The following MEST variants were observed in gnomAD, a reference collection of about 807,000 sequenced individuals.
The protein encoded by MEST is mesoderm specific transcript.
A neutral mutation model predicts 50.9 loss-of-function variants in MEST; 18 were observed. The ratio of observed to expected loss-of-function variants is 0.35; its 90% CI spans 0.24 to 0.52. MEST has a LOEUF of 0.52. Ranked by LOEUF, MEST falls within the 20% of genes least tolerant of loss-of-function variation. MEST has a pLI of 0.94. For synonymous variants in MEST, 130 were observed against 154.1 expected, an observed-to-expected ratio of 0.84 and a Z score of 1.16; for missense variants, 282 against 425.3, an observed-to-expected ratio of 0.66 and a Z score of 2.96.
At chr7:130,489,979 G>A (rs1311585485), upstream of MEST, 2 of 152,212 alleles carry the variant, frequency 1.3e-5, no homozygotes, top group Admixed American at 6.5e-5. Context: ...TGGTGAGAAT[G>A]AAAGTGTGGA....
In MEST at chr7:130,504,928, T is replaced by C. The variant is rs782786548; in HGVS notation, c.891-11T>C. ...CCTCAAGTTCACCTGCGTGCTGTTC[T>C]CTTCCACTAGGAAAACGCTGCCGCG... On this transcript the variant is annotated splice_polypyrimidine_tract_variant and intron_variant, in intron 11 of 11. Transcript: ENST00000223215. 11 of 1,610,662 alleles carry C rather than the reference T, an allele frequency of 6.8e-6. No homozygotes were observed. The highest frequency in any genetic ancestry group is 4.5e-5 in the East Asian group (2 of 44,888).
At chr7:130,495,037 C>T (rs1798989220) in intron 1 of MEST, among the ~76,000 whole-genome samples, 1 of 151,740 alleles carries the variant, frequency 6.6e-6, no homozygotes, top group Non-Finnish European at 1.5e-5. Context: ...AAGTCATGTC[C>T]CTTTTATTTA....
At chr7:130,494,502 T>C (rs1554436310) in intron 1 of MEST, 1 of 152,054 alleles carries the variant, frequency 6.6e-6, no homozygotes, top group Non-Finnish European at 1.5e-5. Context: ...GGGTTGGGTG[T>C]ACCAACCAGT....
At chr7:130,489,556 G>GATA (rs1284013070), upstream of MEST, 1 of 152,220 alleles carries the variant, frequency 6.6e-6, no homozygotes, top group Non-Finnish European at 1.5e-5. Flanking sequence ...TTCTCTCTTA[G>GATA]ACTTCCCACA....
upstream of MEST, chr7:130,488,298 T>C (rs1466461343): frequency 2.0e-5 from 3 of 152,218 alleles, no homozygotes; most frequent in African/African-American, 7.2e-5. Context: ...AGACAGCCCC[T>C]ATGTTGGAAA....
At position 130,492,398 on chromosome 7, in the gene MEST, C is replaced by T. The variant is rs575843091; in HGVS notation, c.26+59C>T. Reference sequence around the variant, plus strand: ...GGCGGCCCTGGGACTAGGGCGCAGGCGAGCGGAGGACTGTGTGCCCGTGTC... The same window carrying T: ...GGCGGCCCTGGGACTAGGGCGCAGGTGAGCGGAGGACTGTGTGCCCGTGTC... On this transcript the variant is annotated intron_variant, in intron 1 of 11. Transcript: ENST00000223215. This position sits in a 1 kb window ranked among gnomAD's most constrained non-coding sequence, Gnocchi z 7.6. 166 of 1,230,560 alleles carry T rather than the reference C, an allele frequency of 1.3e-4. 3 individuals are homozygous for T. In the East Asian group the frequency reaches 4.8e-3, roughly 36 times the overall value. 76.2% of individuals were successfully genotyped at this position (1,230,560 alleles called of 1,614,324 possible). A position where few individuals can be genotyped will look rare whatever the true frequency, so the allele number is the denominator to read the frequency against.
Position 130,492,478 on chromosome 7 carries a change from C to A in MEST, c.26+139C>A. On this transcript the variant is annotated intron_variant, in intron 1 of 11. Coordinates refer to ENST00000223215, the MANE Select transcript of MEST (RefSeq NM_002402.4). The surrounding 1 kb of genome is among the most constrained non-coding windows in gnomAD (Gnocchi z 7.6). ...CTACCGACAGGCGGCACGCATTCCG[C>A]GCCCGCTCTGCCTACTTGAGGAGGG... 1.5e-6 allele frequency: 1 copy of A among 658,662 alleles called. No individual in the cohort carries two copies. The highest frequency in any genetic ancestry group is 2.2e-6 in the Non-Finnish European group (1 of 464,092). 40.8% of individuals were successfully genotyped at this position (658,662 alleles called of 1,614,324 possible). A position where few individuals can be genotyped will look rare whatever the true frequency, so the allele number is the denominator to read the frequency against.
At chr7:130,502,597 C>G (rs377655495) in intron 9 of MEST, 47 bp from the exon 10 acceptor site, 156 of 1,426,274 alleles carry the variant, frequency 1.1e-4, no homozygotes, top group Non-Finnish European at 1.4e-4. Context: ...ATCCCTGTAA[C>G]AGTAAAGGTT....
rs1184009818 is a variant in MEST at position 130,492,227 on chromosome 7, C to A, written c.-87C>A. The stretch of plus-strand genomic sequence containing the variant: ...GGCTGTGGGCTGCGGGCTGCGCCCC[C>A]GCTGCTGGCCAGCTCTGCACGGCTG... On this transcript the variant is annotated 5_prime_UTR_variant, in exon 1 of 12. Transcript: ENST00000223215. This position sits in a 1 kb window ranked among gnomAD's most constrained non-coding sequence, Gnocchi z 7.6. 3.4e-6 allele frequency: 4 copies of A among 1,161,102 alleles called. No homozygotes were observed. The highest frequency in any genetic ancestry group is 3.9e-5 in the South Asian group (1 of 25,450). The allele number at this position is 1,161,102 out of a possible 1,614,324, so 71.9% of individuals were successfully genotyped here. A position where few individuals can be genotyped will look rare whatever the true frequency, so the allele number is the denominator to read the frequency against.
In MEST at chr7:130,504,925, T is replaced by C; in HGVS notation, c.891-14T>C. 1 of 1,609,376 alleles carries C rather than the reference T, an allele frequency of 6.2e-7. No individual in the cohort carries two copies. Among genetic ancestry groups the C allele is most frequent in the Non-Finnish European group, 8.5e-7 (1 of 1,175,750 alleles). On this transcript the variant is annotated splice_polypyrimidine_tract_variant and intron_variant, in intron 11 of 11. Coordinates refer to ENST00000223215, the MANE Select transcript of MEST (RefSeq NM_002402.4). ...CAGCCTCAAGTTCACCTGCGTGCTG[T>C]TCTCTTCCACTAGGAAAACGCTGCC...
chr7:130,500,501 C>T lies in MEST; in HGVS notation c.616C>T (p.Arg206Ter). Residue 206 changes from arginine (R) to a stop codon, truncating the protein, a stop_gained, in exon 8 of 12, where the codon CGA (arginine) becomes TGA (stop). Coordinates refer to ENST00000223215, the MANE Select transcript of MEST (RefSeq NM_002402.4). LOFTEE classifies it high-confidence loss of function. The surrounding 1 kb of genome is among the most constrained non-coding windows in gnomAD (Gnocchi z 5.0). ...AGGTGTGCTGTCACCCATCCTCACA[C>T]GACTGATGAACTTCTTTGTATTCTC... is the stretch of plus-strand genomic sequence containing the variant. The part of the protein sequence containing the change: ...DGGVLSPILT[R>*]LMNFFVFSRG... The T allele has an allele frequency of 1.2e-6, 2 of 1,613,826 alleles. No individual in the cohort carries two copies. Among genetic ancestry groups the T allele is most frequent in the Non-Finnish European group, 1.7e-6 (2 of 1,179,882 alleles).
In MEST at chr7:130,505,236, T is replaced by C. The variant is rs1418719057; in HGVS notation, c.*180T>C. The stretch of plus-strand genomic sequence containing the variant: ...AAGCCAGCAGGAGCTCTGACTAAGG[T>C]TGACATAATAGTCCACCTCCCATTA... On this transcript the variant is annotated 3_prime_UTR_variant, in exon 12 of 12. Transcript: ENST00000223215. The C allele has an allele frequency of 2.8e-5, 16 of 569,486 alleles. No homozygotes were observed. The highest frequency in any genetic ancestry group is 1.9e-4 in the East Asian group (7 of 37,658). 35.3% of individuals were successfully genotyped at this position (569,486 alleles called of 1,614,324 possible).
At chr7:130,499,838 G>T (rs782034894) in intron 6 of MEST, 37 bp from the exon 7 acceptor site, 2 of 1,556,702 alleles carry the variant, frequency 1.3e-6, no homozygotes, top group South Asian at 2.4e-5. Flanking sequence ...AAAAATTAAA[G>T]CTGTAGGTAA....
upstream of MEST, chr7:130,488,653 AG>A (rs1798693799): frequency 6.6e-6 from 1 of 152,266 alleles, no homozygotes; most frequent in African/African-American, 2.4e-5. Context: ...TGTGAGGATC[AG>A]GGATATGTTG....
rs1216185473 is a variant in MEST, at chr7:130,505,185, C to G, written c.*129C>G. On this transcript the variant is annotated 3_prime_UTR_variant, in exon 12 of 12. Transcript: ENST00000223215. Reference sequence around the variant, plus strand: ...ATTCTCTCACAAAGTCCACTTTACTCAAATTGGTGAACAGTGTATAGGAAG... The same window carrying G: ...ATTCTCTCACAAAGTCCACTTTACTGAAATTGGTGAACAGTGTATAGGAAG... The G allele has an allele frequency of 2.7e-6, 2 of 738,826 alleles. No homozygotes were observed. The highest frequency in any genetic ancestry group is 3.5e-5 in the African/African-American group (2 of 57,464). 45.8% of individuals were successfully genotyped at this position (738,826 alleles called of 1,614,324 possible).
chr7:130,500,337 C>T lies in MEST; in HGVS notation c.577-125C>T. 1.3e-6 allele frequency: 1 copy of T among 764,050 alleles called. No individual in the cohort carries two copies. The highest frequency in any genetic ancestry group is 2.1e-6 in the Non-Finnish European group (1 of 479,518). The allele number at this position is 764,050 out of a possible 1,614,324, so 47.3% of individuals were successfully genotyped here. A position where few individuals can be genotyped will look rare whatever the true frequency, so the allele number is the denominator to read the frequency against. ...AATGCGGGTAGGCAAAACAAAATGC[C>T]AAGTACCAAACCATTCAGTAGCAGG... On this transcript the variant is annotated intron_variant, in intron 7 of 11. Coordinates refer to ENST00000223215, the MANE Select transcript of MEST (RefSeq NM_002402.4). The surrounding 1 kb of genome is among the most constrained non-coding windows in gnomAD (Gnocchi z 5.0).
chr7:130,498,491 C>T lies in MEST; in HGVS notation c.535+14C>T, dbSNP rs375635223. 8.7e-6 allele frequency: 14 copies of T among 1,613,210 alleles called. No individual in the cohort carries two copies. The highest frequency in any genetic ancestry group is 1.7e-5 in the Admixed American group (1 of 59,972). On this transcript the variant is annotated intron_variant, in intron 6 of 11. Transcript: ENST00000223215. ...TGTCAAATGGAGGTAATTGCCTTGG[C>T]GGTAGGTAGAAAGTGGGTGTAATCT...
In MEST at chr7:130,500,954, G is replaced by T. The variant is rs1799254505; in HGVS notation, c.749+64G>T. 1.4e-6 allele frequency: 2 copies of T among 1,406,060 alleles called. No homozygotes were observed. The allele number at this position is 1,406,060 out of a possible 1,614,324, so 87.1% of individuals were successfully genotyped here. A position where few individuals can be genotyped will look rare whatever the true frequency, so the allele number is the denominator to read the frequency against. On this transcript the variant is annotated intron_variant, in intron 9 of 11. Transcript: ENST00000223215. This position sits in a 1 kb window ranked among gnomAD's most constrained non-coding sequence, Gnocchi z 5.0. ...TTTTTGTGGAGAGTGGGGATTGCTT[G>T]TTCTGTTCCTTGCTGGCTTATTCCC...
At position 130,497,175 on chromosome 7, in the gene MEST, A is replaced by G. The variant is rs1554437237; in HGVS notation, c.201A>G (p.Gly67=). 6.2e-7 allele frequency: 1 copy of G among 1,612,942 alleles called. No homozygotes were observed. Among genetic ancestry groups the G allele is most frequent in the Admixed American group, 1.7e-5 (1 of 59,814 alleles). ...IFYQDSVGVV[G]SPEIVVLLHG... is the part of the protein sequence containing the mutation. ...TCCTAGACTCTGTGGGTGTGGTTGGAAGTCCAGAGATAGTTGTGCTTTTAC... is the reference window on the plus strand; with the variant it reads ...TCCTAGACTCTGTGGGTGTGGTTGGGAGTCCAGAGATAGTTGTGCTTTTAC... Residue 67 remains glycine, a synonymous_variant, in exon 3 of 12, where the codon GGA becomes GGG. Coordinates refer to ENST00000223215, the MANE Select transcript of MEST (RefSeq NM_002402.4). This position sits in a 1 kb window ranked among gnomAD's most constrained non-coding sequence, Gnocchi z 4.0.
Sources: gnomAD v4.1 joint callset for allele counts (sites outside exome capture counted in the v4.1 genomes callset) on GRCh38, gnomAD v4.1.1 for gene constraint, Gnocchi (gnomAD v3.1) non-coding constraint, MANE v1.5 for transcripts, NCBI Gene and HGNC (gene_info 2026-07-23, HGNC 2026-07-21) for gene names.